CFAP57: variants seen among roughly 807,000 people sequenced by gnomAD.
CFAP57 encodes the protein cilia- and flagella-associated protein 57.
A neutral mutation model predicts 146.8 loss-of-function variants in CFAP57; 116 were observed. That is an observed-to-expected ratio of 0.79 (90% CI 0.68 to 0.92). The LOEUF (loss-of-function observed/expected upper bound fraction) is 0.92. Ranked by LOEUF, CFAP57 falls within the 40% of genes least tolerant of loss-of-function variation. The pLI, the probability that CFAP57 is intolerant of heterozygous loss-of-function variation, is 0.00. For synonymous variants in CFAP57, 518 were observed against 552.8 expected (o/e 0.94, Z 0.88); for missense variants, 1,377 against 1,527.2 (o/e 0.90, Z 1.64).
At chr1:43,204,398 T>TTTTG (rs59128366) in intron 9 of CFAP57, among the ~76,000 whole-genome samples, 74 of 151,822 alleles carry the variant, frequency 4.9e-4, no homozygotes, top group African/African-American at 1.5e-3. Context: ...GTTACACTCT[T>TTTTG]TTTGTTTGTT....
intron 18 of CFAP57, among the ~76,000 whole-genome samples, chr1:43,227,849 AGTTAGTG>A: frequency 6.6e-6 from 1 of 152,258 alleles, no homozygotes; most frequent in Non-Finnish European, 1.5e-5. Flanking sequence ...TCCCTCTCTC[AGTTAGTG>A]GTCTATGATC....
At chr1:43,197,780 T>C in intron 7 of CFAP57, 88 bp downstream of exon 7, 1 of 1,547,758 alleles carries the variant, frequency 6.5e-7, no homozygotes. Context: ...GTTCCAAACT[T>C]TAATTATTTA....
rs117689499 is a variant in CFAP57, at chr1:43,252,487, A to G, written c.3539-1490A>G. On this transcript the variant is annotated intron_variant, in intron 22 of 22. Coordinates refer to ENST00000372492, the MANE Select transcript of CFAP57 (RefSeq NM_001378189.1). ...TAGGCCCCAAGCAGAAGCAAATGCA[A>G]ATTTTCTCTGGAGGAGTACCTTTTA... 5.1e-4 allele frequency among the ~76,000 whole-genome samples: 78 copies of G among 152,180 alleles called. No individual in the cohort carries two copies. The East Asian group carries it at 0.012, about 24-fold the overall frequency.
At chr1:43,215,546 G>A (rs1171354293) in intron 12 of CFAP57, 130 bp downstream of exon 12, 15 of 1,084,822 alleles carry the variant, frequency 1.4e-5, no homozygotes, top group South Asian at 1.7e-5. Context: ...ACGGCTCCCT[G>A]CACATCTGCT....
In CFAP57 at chr1:43,197,567, C is replaced by T. The variant is rs751247976; in HGVS notation, c.1137C>T (p.His379=). The T allele has an allele frequency of 6.2e-7, 1 of 1,614,128 alleles. No individual in the cohort carries two copies. The highest frequency in any genetic ancestry group is 1.1e-5 in the South Asian group (1 of 91,080). ...GATTTCTCTAGGGGGAGCCTGCTCA[C>T]TTTGAGTATTTGATGTATCCATTGC... ...LTEISKGEPA[H]FEYLMYPLHS... is the part of the protein sequence containing the mutation. Residue 379 remains histidine (H), a synonymous_variant, in exon 7 of 23, where the codon CAC becomes CAT. Transcript: ENST00000372492.
At chr1:43,219,784 C>T (rs1412569936) in intron 13 of CFAP57, among the ~76,000 whole-genome samples, 1 of 152,148 alleles carries the variant, frequency 6.6e-6, no homozygotes, top group Non-Finnish European at 1.5e-5. Flanking sequence ...CAAGACCAGC[C>T]TGGCCAACAT....
rs376583075 is a variant in CFAP57 at position 43,199,460 on chromosome 1, C to T, written c.1499C>T (p.Thr500Met). 33 of 1,614,052 alleles carry T rather than the reference C, an allele frequency of 2.0e-5. No individual in the cohort carries two copies. Among genetic ancestry groups the T allele is most frequent in the Middle Eastern group, 1.6e-4 (1 of 6,084 alleles). ...NGNVIHVYTT[T>M]SLENISSLKG... ...AATGTGATTCACGTTTACACCACCA[C>T]GAGCCTAGAGAACATCTCAAGCCTG... The change falls in exon 9 of 23, where the codon ACG becomes ATG. Residue 500 changes from threonine to methionine, a missense_variant. Transcript: ENST00000372492.
At chr1:43,232,134 G>A in intron 18 of CFAP57, 1 of 699,250 alleles carries the variant, frequency 1.4e-6, no homozygotes, top group East Asian at 2.7e-5. Context: ...AGCAGGTGAG[G>A]AAGGTGCTTC....
chr1:43,203,420 A>G (rs1288063276), intron 9 of CFAP57, among the ~76,000 whole-genome samples: 1 of 152,120 alleles, frequency 6.6e-6, no homozygotes, highest in Non-Finnish European at 1.5e-5. Flanking sequence ...CCACAAGAAA[A>G]AAAAATAAGC....
chr1:43,228,161 C>A (rs1281403526), intron 18 of CFAP57, among the ~76,000 whole-genome samples: 1 of 152,186 alleles, frequency 6.6e-6, no homozygotes, highest in South Asian at 2.1e-4. Context: ...CAAGGTCCTG[C>A]GTGATCCAGC....
At chr1:43,250,692 C>T (rs1646302523) in intron 22 of CFAP57, among the ~76,000 whole-genome samples, 1 of 152,220 alleles carries the variant, frequency 6.6e-6, no homozygotes, top group Admixed American at 6.5e-5. Flanking sequence ...CCTTTCTCTA[C>T]TGGTTGGGCT....
chr1:43,198,720 G>T, intron 8 of CFAP57, 74 bp downstream of exon 8: 2 of 1,562,998 alleles, frequency 1.3e-6, no homozygotes, highest in Non-Finnish European at 1.7e-6. Context: ...GAACTAACAT[G>T]ATCTGGGGAG....
chr1:43,251,754 TAGG>T (rs1487620549), intron 22 of CFAP57, among the ~76,000 whole-genome samples: 3 of 152,226 alleles, frequency 2.0e-5, no homozygotes, highest in African/African-American at 4.8e-5. Context: ...TACTCAAAAT[TAGG>T]AGGATGAAAG....
intron 6 of CFAP57, among the ~76,000 whole-genome samples, chr1:43,194,110 TA>T (rs1643716537): frequency 6.6e-6 from 1 of 152,186 alleles, no homozygotes; most frequent in Admixed American, 6.5e-5. Context: ...GCTTTCAACC[TA>T]AAGGATTTCC....
Position 43,197,515 on chromosome 1 carries a change from C to T in CFAP57, c.1123-38C>T, listed in dbSNP as rs183582881. ...GCTGACATGTACAGCCAGCCTTTTG[C>T]TTACTCTGCGGGATCTTGTTCTGTG... On this transcript the variant is annotated intron_variant, in intron 6 of 22. Transcript: ENST00000372492. 122 of 1,614,138 alleles carry T rather than the reference C, an allele frequency of 7.6e-5. No individual in the cohort carries two copies. The East Asian group carries it at 1.5e-3, about 20-fold the overall frequency.
At chr1:43,212,935 CA>C (rs374038535) in intron 11 of CFAP57, among the ~76,000 whole-genome samples, 44 of 129,072 alleles carry the variant, frequency 3.4e-4, no homozygotes, top group Admixed American at 5.5e-4. Context: ...GACTCTATCT[CA>C]AAAAAAAAAA....
chr1:43,212,935 CAAA>C (rs374038535), intron 11 of CFAP57, among the ~76,000 whole-genome samples: 2 of 129,096 alleles, frequency 1.5e-5, no homozygotes, highest in East Asian at 2.2e-4. Context: ...GACTCTATCT[CAAA>C]AAAAAAAAAA....
chr1:43,220,643 G>A (rs917586387), intron 13 of CFAP57, among the ~76,000 whole-genome samples: 4 of 152,106 alleles, frequency 2.6e-5, no homozygotes, highest in South Asian at 4.1e-4. Context: ...AGGACTGCTC[G>A]AGCCTGGGAG....
chr1:43,245,533 T>G (rs1470930327), intron 22 of CFAP57, among the ~76,000 whole-genome samples: 6 of 152,142 alleles, frequency 3.9e-5, no homozygotes, highest in Non-Finnish European at 8.8e-5. Flanking sequence ...CTGTCACTTG[T>G]GATTCATCAA....
Sources: gnomAD v4.1 joint callset for allele counts (sites outside exome capture counted in the v4.1 genomes callset) on GRCh38, gnomAD v4.1.1 for gene constraint, MANE v1.5 for transcripts, NCBI Gene and HGNC (gene_info 2026-07-23, HGNC 2026-07-21) for gene names.